NRXN1: variants seen among roughly 807,000 people sequenced by gnomAD.
The protein encoded by NRXN1 is neurexin-1.
Under a neutral mutation model 150.9 loss-of-function variants are expected in NRXN1, and 39 were observed. The ratio of observed to expected loss-of-function variants is 0.26; its 90% confidence interval spans 0.20 to 0.34. The LOEUF (loss-of-function observed/expected upper bound fraction) is 0.34, where lower values mean the gene tolerates loss of function less well. Ranked by LOEUF, NRXN1 falls within the 10% of genes least tolerant of loss-of-function variation. The probability of loss-of-function intolerance (pLI) is 1.00; values close to 1 mark genes in which losing one functional copy is unlikely to be tolerated. For synonymous variants in NRXN1, 924 were observed against 757.0 expected, an observed-to-expected ratio of 1.22 and a Z score of -3.62; for missense variants, 1,815 against 1,949.9, an observed-to-expected ratio of 0.93 and a Z score of 1.30.
chr2:50,705,870 GA>G (rs1694359967), intron 5 of NRXN1, among the ~76,000 whole-genome samples: 1 of 152,100 alleles, frequency 6.6e-6, no homozygotes, highest in African/African-American at 2.4e-5. Context: ...GCACAGACAG[GA>G]ATAGTGGTAA....
chr2:50,854,041 C>A (rs929859016), intron 5 of NRXN1, among the ~76,000 whole-genome samples: 1 of 151,990 alleles, frequency 6.6e-6, no homozygotes, highest in African/African-American at 2.4e-5. Flanking sequence ...CATTTTTAAT[C>A]TGAAACCTCT....
chr2:50,219,912 A>T (rs1298285481), intron 18 of NRXN1, among the ~76,000 whole-genome samples: 7 of 112,356 alleles, frequency 6.2e-5, no homozygotes, highest in East Asian at 2.4e-4. Flanking sequence ...TATATATATA[A>T]AATCTCTCTC....
chr2:50,525,688 T>C lies in NRXN1; in HGVS notation c.2374+2937A>G, dbSNP rs181430214. ...CATACATTTGGCAGTGAAATGGCCA[T>C]TATTCAGAGAGACAGCTTTTTAAAG... On this transcript the variant is annotated intron_variant, in intron 12 of 22. Transcript: ENST00000401669. Among the ~76,000 whole-genome samples the C allele has an allele frequency of 3.4e-3, 511 of 152,348 alleles. 1 individual carries two copies. Among genetic ancestry groups the C allele is most frequent in the Non-Finnish European group, 5.4e-3 (364 of 68,026 alleles).
intron 17 of NRXN1, among the ~76,000 whole-genome samples, chr2:50,422,313 A>G (rs2084061974): frequency 6.6e-6 from 1 of 152,186 alleles, no homozygotes; most frequent in Non-Finnish European, 1.5e-5. Context: ...AATTCTAACT[A>G]TAGCCTAGAG....
intron 18 of NRXN1, among the ~76,000 whole-genome samples, chr2:50,159,176 G>T (rs2059215306): frequency 6.6e-6 from 1 of 152,060 alleles, no homozygotes; most frequent in African/African-American, 2.4e-5. Flanking sequence ...CACAGTCCTG[G>T]AACTGATCAG....
intron 18 of NRXN1, among the ~76,000 whole-genome samples, chr2:50,218,091 C>G (rs115824396): frequency 0.013 from 1,927 of 152,150 alleles, 43 homozygotes; most frequent in African/African-American, 0.043. Context: ...ATTCACTCTT[C>G]TTTCTTATAT....
intron 8 of NRXN1, among the ~76,000 whole-genome samples, chr2:50,565,032 T>G (rs1399395885): frequency 6.6e-6 from 1 of 151,242 alleles, no homozygotes; most frequent in East Asian, 1.9e-4. Flanking sequence ...AGGTGCAGAG[T>G]TTTTGCCAAC....
At chr2:50,981,647 A>T (rs970857444) in intron 2 of NRXN1, among the ~76,000 whole-genome samples, 3 of 151,990 alleles carry the variant, frequency 2.0e-5, no homozygotes, top group Admixed American at 6.6e-5. Flanking sequence ...CCAAAAGAAC[A>T]GTCTGCTAAA....
At chr2:50,243,317 T>A (rs2066199746) in intron 17 of NRXN1, among the ~76,000 whole-genome samples, 1 of 151,658 alleles carries the variant, frequency 6.6e-6, no homozygotes. Flanking sequence ...CAAAACACAA[T>A]AAATAAATTT....
At chr2:50,925,213 T>C (rs1407318722) in intron 3 of NRXN1, among the ~76,000 whole-genome samples, 1 of 151,864 alleles carries the variant, frequency 6.6e-6, no homozygotes, top group Non-Finnish European at 1.5e-5. Context: ...GACTAATGCA[T>C]TTAAGTTCTT....
intron 5 of NRXN1, among the ~76,000 whole-genome samples, chr2:50,711,625 C>T (rs188112646): frequency 5.9e-5 from 9 of 152,044 alleles, no homozygotes; most frequent in Admixed American, 2.0e-4. Context: ...CATAAGCCAC[C>T]GCACCTGGGC....
chr2:50,105,646 C>T (rs1701536633), intron 18 of NRXN1, among the ~76,000 whole-genome samples: 1 of 151,934 alleles, frequency 6.6e-6, no homozygotes, highest in Non-Finnish European at 1.5e-5. Context: ...TACTAAATAA[C>T]ATTTGTGACT....
At chr2:50,908,757 G>A (rs552992033) in intron 5 of NRXN1, among the ~76,000 whole-genome samples, 3 of 152,146 alleles carry the variant, frequency 2.0e-5, no homozygotes, top group South Asian at 4.1e-4. Context: ...TCCTTTAGGA[G>A]GTAATTAGGA....
chr2:50,222,880 G>A (rs1050638396), intron 18 of NRXN1, among the ~76,000 whole-genome samples: 16 of 151,826 alleles, frequency 1.1e-4, no homozygotes, highest in African/African-American at 3.9e-4. Flanking sequence ...TAAGATTAAA[G>A]ATTAGAGTTT....
At chr2:50,615,881 A>G (rs1227535985) in intron 8 of NRXN1, 19 of 152,140 alleles carry the variant, frequency 1.2e-4, no homozygotes, top group Admixed American at 1.2e-3. Context: ...AATGATCGAA[A>G]ATTCTTAAGC....
chr2:50,708,376 T>C (rs1327130122), intron 5 of NRXN1, among the ~76,000 whole-genome samples: 1 of 152,182 alleles, frequency 6.6e-6, no homozygotes, highest in African/African-American at 2.4e-5. Context: ...ATTGGAATTA[T>C]ATCACCTCTG....
chr2:49,946,462 T>C (rs1672906511), intron 21 of NRXN1, among the ~76,000 whole-genome samples: 1 of 152,190 alleles, frequency 6.6e-6, no homozygotes, highest in African/African-American at 2.4e-5. Flanking sequence ...TGCCCATGCC[T>C]GTGTCCTAAA....
intron 5 of NRXN1, among the ~76,000 whole-genome samples, chr2:50,630,218 G>GA (rs895281665): frequency 2.0e-5 from 3 of 151,056 alleles, no homozygotes; most frequent in South Asian, 4.2e-4. Context: ...ACTTCTTATA[G>GA]AAAAAAAAGT....
chr2:50,753,068 T>C (rs1156812962), intron 5 of NRXN1, among the ~76,000 whole-genome samples: 1 of 151,980 alleles, frequency 6.6e-6, no homozygotes, highest in Non-Finnish European at 1.5e-5. Context: ...ATGTACATAT[T>C]CTAAAAGCTG....
Sources: allele counts gnomAD v4.1 joint callset (sites outside exome capture counted in the v4.1 genomes callset), GRCh38; gene constraint gnomAD v4.1.1; transcripts MANE v1.5; gene names NCBI Gene and HGNC (gene_info 2026-07-23, HGNC 2026-07-21).